The following ANO5 variants were observed in gnomAD, a reference collection of about 807,000 sequenced individuals.
The protein encoded by ANO5 is anoctamin-5.
ANO5 carries 109 observed loss-of-function variants against 121.0 expected under a neutral mutation model. The observed-to-expected ratio is 0.90, with a 90% CI of 0.77 to 1.06. The LOEUF is 1.06. Ranked by LOEUF, ANO5 falls within the 50% of genes least tolerant of loss-of-function variation. ANO5 has a pLI of 0.00. For missense variants in ANO5, 1,064 were observed against 1,078.5 expected (o/e 0.99, Z 0.19); for synonymous variants, 406 against 359.9 (o/e 1.13, Z -1.45).
chr11:22,193,268 C>G lies in ANO5; in HGVS notation c.-225C>G. On this transcript the variant is annotated 5_prime_UTR_variant, in exon 1 of 22. Coordinates refer to ENST00000324559, the MANE Select transcript of ANO5 (RefSeq NM_213599.3). Reference sequence around the variant, plus strand: ...GGGGGACCGGGTCGAGTGGAAGTACCCGCCGGAGAGGAAGGCCGGCTGGCT... The same window carrying G: ...GGGGGACCGGGTCGAGTGGAAGTACGCGCCGGAGAGGAAGGCCGGCTGGCT... 3 of 1,404,248 alleles carry G rather than the reference C, an allele frequency of 2.1e-6. No individual in the cohort carries two copies. Among genetic ancestry groups the G allele is most frequent in the South Asian group, 1.5e-5 (1 of 67,646 alleles). 87.0% of individuals were successfully genotyped at this position (1,404,248 alleles called of 1,614,324 possible).
chr11:22,206,178 A>T (rs117077777), intron 2 of ANO5, among the ~76,000 whole-genome samples: 4,010 of 152,218 alleles, frequency 0.026, 78 homozygotes, highest in South Asian at 0.053. Context: ...AAAACAAAAA[A>T]CCTAAAAGTT....
rs1283380405 is a variant in ANO5, at chr11:22,282,178, A to T, written c.*2413A>T. The T allele has an allele frequency of 6.6e-6, 1 of 152,142 alleles. No homozygotes were observed. The highest frequency in any genetic ancestry group is 1.5e-5 in the Non-Finnish European group (1 of 67,978). 9.4% of individuals were successfully genotyped at this position (152,142 alleles called of 1,614,324 possible). On this transcript the variant is annotated 3_prime_UTR_variant, in exon 22 of 22. Transcript: ENST00000324559. Reference sequence around the variant, plus strand: ...GATTTTATCTGCTGACCAAGCGCATAGTTTTGTTTTGTTTTCAGAATGTTC... The same window carrying T: ...GATTTTATCTGCTGACCAAGCGCATTGTTTTGTTTTGTTTTCAGAATGTTC...
chr11:22,271,229 T>C (rs111584232), intron 18 of ANO5, among the ~76,000 whole-genome samples: 5 of 152,176 alleles, frequency 3.3e-5, no homozygotes, highest in African/African-American at 7.2e-5. Context: ...CTAATTTTTG[T>C]ATTTTTAGTA....
chr11:22,205,659 A>C (rs1266184343), intron 2 of ANO5, among the ~76,000 whole-genome samples: 1 of 152,180 alleles, frequency 6.6e-6, no homozygotes, highest in African/African-American at 2.4e-5. Context: ...AGAAAGTATT[A>C]GAAAAAATCA....
intron 13 of ANO5, among the ~76,000 whole-genome samples, chr11:22,256,669 T>A (rs905089912): frequency 2.6e-5 from 4 of 152,236 alleles, no homozygotes; most frequent in Non-Finnish European, 4.4e-5. Context: ...ATGTATTGAT[T>A]CACTGTGAAT....
At chr11:22,211,632 A>G (rs1269925351) in intron 3 of ANO5, among the ~76,000 whole-genome samples, 1 of 151,894 alleles carries the variant, frequency 6.6e-6, no homozygotes, top group Non-Finnish European at 1.5e-5. Flanking sequence ...ATGCTTGACT[A>G]CACTCAAGTT....
intron 4 of ANO5, among the ~76,000 whole-genome samples, chr11:22,220,567 A>G (rs1318538749): frequency 6.6e-6 from 1 of 152,024 alleles, no homozygotes; most frequent in Non-Finnish European, 1.5e-5. Flanking sequence ...GATGCCAGCT[A>G]ATAAGCTACC....
chr11:22,232,852 T>C lies in ANO5; in HGVS notation c.649-3311T>C, dbSNP rs536452972. ...TATTCTGCTGATTTACTCCATCTGT[T>C]TTTGTGTCAGTACTTAGAATGTTGA... On this transcript the variant is annotated intron_variant, in intron 7 of 21. Coordinates refer to ENST00000324559, the MANE Select transcript of ANO5 (RefSeq NM_213599.3). Among the ~76,000 whole-genome samples the C allele has an allele frequency of 2.0e-5, 3 of 152,122 alleles. No homozygotes were observed. In the South Asian group the frequency reaches 6.2e-4, roughly 32 times the overall value.
chr11:22,273,589 T>C (rs1854711108), intron 19 of ANO5, among the ~76,000 whole-genome samples: 1 of 152,094 alleles, frequency 6.6e-6, no homozygotes, highest in South Asian at 2.1e-4. Context: ...CATTTTTAAT[T>C]ATTAAAAGAA....
intron 1 of ANO5, among the ~76,000 whole-genome samples, chr11:22,196,525 T>C (rs1013714443): frequency 6.7e-6 from 1 of 149,526 alleles, no homozygotes; most frequent in Non-Finnish European, 1.5e-5. Flanking sequence ...TTAATGAACA[T>C]TCCAGTGGAT....
chr11:22,279,465 T>A lies in ANO5; in HGVS notation c.2521-79T>A. 3.3e-6 allele frequency: 4 copies of A among 1,219,772 alleles called. No individual in the cohort carries two copies. In the South Asian group the frequency reaches 3.7e-5, roughly 11 times the overall value. 75.6% of individuals were successfully genotyped at this position (1,219,772 alleles called of 1,614,324 possible). A position where few individuals can be genotyped will look rare whatever the true frequency, so the allele number is the denominator to read the frequency against. On this transcript the variant is annotated intron_variant, in intron 21 of 21. Transcript: ENST00000324559. Reference sequence around the variant, plus strand: ...TATGTTGAGCAGTTTCTTAAATAAGTGAAATGATTTGTAAAGACTTTCTGC... The same window carrying A: ...TATGTTGAGCAGTTTCTTAAATAAGAGAAATGATTTGTAAAGACTTTCTGC...
Position 22,281,928 on chromosome 11 carries a change from A to T in ANO5, c.*2163A>T, listed in dbSNP as rs1855095644. On this transcript the variant is annotated 3_prime_UTR_variant, in exon 22 of 22. Coordinates refer to ENST00000324559, the MANE Select transcript of ANO5 (RefSeq NM_213599.3). Reference sequence around the variant, plus strand: ...AAAATGTTATGGACTGATATTTTTTATTCACCTTTAAATTTCTTATCAAGA... The same window carrying T: ...AAAATGTTATGGACTGATATTTTTTTTTCACCTTTAAATTTCTTATCAAGA... 1 of 152,116 alleles carries T rather than the reference A, an allele frequency of 6.6e-6. No individual in the cohort carries two copies. The highest frequency in any genetic ancestry group is 1.5e-5 in the Non-Finnish European group (1 of 67,952). The allele number at this position is 152,116 out of a possible 1,614,324, so 9.4% of individuals were successfully genotyped here.
At chr11:22,277,687 G>A (rs570912604) in intron 21 of ANO5, 9 of 151,196 alleles carry the variant, frequency 6.0e-5, no homozygotes, top group Non-Finnish European at 5.9e-5. Context: ...AACATTTTGC[G>A]TCAGAAGTTT....
At chr11:22,205,005 A>G (rs1038586929) in intron 2 of ANO5, among the ~76,000 whole-genome samples, 4 of 152,176 alleles carry the variant, frequency 2.6e-5, no homozygotes, top group Admixed American at 6.5e-5. Context: ...ATCATAAAAT[A>G]CTATGGAGCC....
At chr11:22,263,425 T>C (rs950090256) in intron 17 of ANO5, among the ~76,000 whole-genome samples, 2 of 152,204 alleles carry the variant, frequency 1.3e-5, no homozygotes, top group Admixed American at 1.3e-4. Context: ...TTCTACATGC[T>C]GTGTATTATT....
intron 12 of ANO5, among the ~76,000 whole-genome samples, chr11:22,251,888 G>A (rs1483760386): frequency 6.6e-6 from 1 of 151,828 alleles, no homozygotes; most frequent in Non-Finnish European, 1.5e-5. Context: ...AAATTAGCCA[G>A]GCGTGGTGGC....
At chr11:22,243,011 C>G (rs1353673052) in intron 9 of ANO5, among the ~76,000 whole-genome samples, 2 of 151,898 alleles carry the variant, frequency 1.3e-5, no homozygotes, top group African/African-American at 4.8e-5. Flanking sequence ...AGCTTTTGCC[C>G]ATTCAGTATG....
intron 8 of ANO5, among the ~76,000 whole-genome samples, chr11:22,238,831 T>C (rs1370187391): frequency 6.6e-6 from 1 of 152,146 alleles, no homozygotes; most frequent in East Asian, 1.9e-4. Flanking sequence ...CATGTTGGTG[T>C]GCTGCACCTA....
intron 9 of ANO5, 128 bp from the exon 10 acceptor site, chr11:22,250,109 C>A: frequency 1.2e-6 from 1 of 819,378 alleles, no homozygotes; most frequent in Non-Finnish European, 1.9e-6. Flanking sequence ...TGAGTAACTT[C>A]ACCAAAATTA....
Sources: allele counts gnomAD v4.1 joint callset (sites outside exome capture counted in the v4.1 genomes callset), GRCh38; gene constraint gnomAD v4.1.1; transcripts MANE v1.5; gene names NCBI Gene and HGNC (gene_info 2026-07-23, HGNC 2026-07-21).